VPS13D: variants seen among roughly 807,000 people sequenced by gnomAD.
The protein encoded by VPS13D is intermembrane lipid transfer protein VPS13D.
In VPS13D, 187 loss-of-function variants were observed where a neutral mutation model predicts 461.9. The ratio of observed to expected loss-of-function variants is 0.40; its 90% CI spans 0.36 to 0.46. The LOEUF is 0.46. VPS13D is among the 20% of genes least tolerant of loss of function. The pLI is 0.60. For synonymous variants in VPS13D, 1,951 were observed against 1,986.3 expected, an observed-to-expected ratio of 0.98 and a Z score of 0.47; for missense variants, 4,711 against 5,364.9, an observed-to-expected ratio of 0.88 and a Z score of 3.81.
intron 38 of VPS13D, 34 bp from the exon 39 acceptor site, chr1:12,335,671 A>T: frequency 6.4e-7 from 1 of 1,565,040 alleles, no homozygotes. Flanking sequence ...CATCTTTTTT[A>T]GTTCTCTTAA....
rs756373292 is a variant in VPS13D at position 12,277,426 on chromosome 1, C to G, written c.3838C>G (p.Gln1280Glu). 3 of 1,614,078 alleles carry G rather than the reference C, an allele frequency of 1.9e-6. No individual in the cohort carries two copies. The East Asian group carries it at 6.7e-5, about 36-fold the overall frequency. Reference sequence around the variant, plus strand: ...TTTCACGTTTGTTGAGAGATCTAAACAGGAGTGTTTTCTCAACCTGAAGAT... The same window carrying G: ...TTTCACGTTTGTTGAGAGATCTAAAGAGGAGTGTTTTCTCAACCTGAAGAT... Reference protein sequence around the residue: ...LSFTFVERSKQECFLNLKMAS... With the variant: ...LSFTFVERSKEECFLNLKMAS... The change falls in exon 19 of 70, where the codon CAG becomes GAG. Residue 1280 changes from glutamine to glutamate, a missense_variant. Around this residue, in one of 3 missense-constraint regions of VPS13D, gnomAD observed 4,411 missense variants for 4,937.8 expected, o/e 0.89. Transcript: ENST00000620676.
chr1:12,242,958 C>CTTTTT (rs979589423), intron 3 of VPS13D, among the ~76,000 whole-genome samples: 1 of 143,756 alleles, frequency 7.0e-6, no homozygotes, highest in African/African-American at 2.6e-5. Flanking sequence ...CTTTTCTTTT[C>CTTTTT]TTTTTTTTTT....
intron 63 of VPS13D, among the ~76,000 whole-genome samples, chr1:12,406,172 T>C (rs1644652097): frequency 6.6e-6 from 1 of 152,216 alleles, no homozygotes; most frequent in Non-Finnish European, 1.5e-5. Flanking sequence ...GTGCGGGGAA[T>C]TGGGACTAAA....
At chr1:12,268,597 T>A in intron 15 of VPS13D, 109 bp from the exon 16 acceptor site, 1 of 1,273,522 alleles carries the variant, frequency 7.9e-7, no homozygotes, top group Non-Finnish European at 1.1e-6. Context: ...GTGAACTAAT[T>A]GAAAAATAAT....
chr1:12,383,746 C>G (rs1644314177), intron 58 of VPS13D, among the ~76,000 whole-genome samples: 1 of 152,196 alleles, frequency 6.6e-6, no homozygotes, highest in Non-Finnish European at 1.5e-5. Flanking sequence ...CAGCACAGGT[C>G]TAGGTACGGA....
At chr1:12,483,231 A>G (rs1645748195) in intron 67 of VPS13D, among the ~76,000 whole-genome samples, 1 of 152,236 alleles carries the variant, frequency 6.6e-6, no homozygotes, top group African/African-American at 2.4e-5. Flanking sequence ...TCAGTCAAGA[A>G]TTACATGAAG....
chr1:12,283,326 C>T lies in VPS13D; in HGVS notation c.5224C>T (p.Pro1742Ser). ...APNVFQLYQR[P>S]TSASRKKQKE... ...TAATGTCTTCCAGTTGTATCAAAGG[C>T]CCACCTCTGCGTCCCGGAAAAAGCA... Residue 1742 changes from proline (P) to serine (S), a missense_variant, in exon 21 of 70, where the codon CCC (proline) becomes TCC (serine). This residue lies in a region of VPS13D where 4,411 missense variants were observed against 4,937.8 expected (regional missense o/e 0.89). Coordinates refer to ENST00000620676, the MANE Select transcript of VPS13D (RefSeq NM_015378.4). 6.2e-7 allele frequency: 1 copy of T among 1,614,120 alleles called. No homozygotes were observed. The highest frequency in any genetic ancestry group is 8.5e-7 in the Non-Finnish European group (1 of 1,180,018).
chr1:12,255,959 A>G (rs1482100892), intron 7 of VPS13D, among the ~76,000 whole-genome samples: 1 of 151,898 alleles, frequency 6.6e-6, no homozygotes, highest in Non-Finnish European at 1.5e-5. Context: ...GAGTTTTATA[A>G]CCCAGTTTTA....
rs1395354859 is a variant in VPS13D at position 12,271,252 on chromosome 1, T to C, written c.2103+128T>C. On this transcript the variant is annotated intron_variant, in intron 17 of 69. Coordinates refer to ENST00000620676, the MANE Select transcript of VPS13D (RefSeq NM_015378.4). ...TGCTGACTGAGTAAACTGAAAATAT[T>C]AAATCCTTATCAGCTAGCATAGAAT... 8 of 1,190,338 alleles carry C rather than the reference T, an allele frequency of 6.7e-6. No homozygotes were observed. In the South Asian group the frequency reaches 7.4e-5, roughly 11 times the overall value. The allele number at this position is 1,190,338 out of a possible 1,614,324, so 73.7% of individuals were successfully genotyped here. A position where few individuals can be genotyped will look rare whatever the true frequency, so the allele number is the denominator to read the frequency against.
chr1:12,381,978 CTTT>C (rs1644286024), intron 57 of VPS13D, among the ~76,000 whole-genome samples: 33 of 128,904 alleles, frequency 2.6e-4, no homozygotes, highest in Non-Finnish European at 4.4e-4. Context: ...TTCTTTCTTT[CTTT>C]CTCTCTCTCT....
rs1641124957 is a variant in VPS13D at position 12,262,036 on chromosome 1, C to G, written c.1550C>G (p.Thr517Ser). ...ACTCTGTTACACAAGGAGCAAGGAA[C>G]TCCTCAAATGAATGAAAGTGCTTTC... Reference protein sequence around the residue: ...TVTLLHKEQGTPQMNESAFMQ... With the variant: ...TVTLLHKEQGSPQMNESAFMQ... The change falls in exon 13 of 70, where the codon ACT becomes AGT. Residue 517 changes from threonine to serine, a missense_variant. Coordinates refer to ENST00000620676, the MANE Select transcript of VPS13D (RefSeq NM_015378.4). 4 of 1,613,702 alleles carry G rather than the reference C, an allele frequency of 2.5e-6. No individual in the cohort carries two copies. The highest frequency in any genetic ancestry group is 3.4e-6 in the Non-Finnish European group (4 of 1,179,870).
chr1:12,450,484 G>A (rs1283389146), intron 65 of VPS13D, among the ~76,000 whole-genome samples: 1 of 152,116 alleles, frequency 6.6e-6, no homozygotes, highest in Non-Finnish European at 1.5e-5. Flanking sequence ...TTGACTTGAC[G>A]ATGACGTAAA....
At chr1:12,313,606 C>T (rs894533846) in intron 29 of VPS13D, among the ~76,000 whole-genome samples, 9 of 152,124 alleles carry the variant, frequency 5.9e-5, no homozygotes, top group African/African-American at 2.2e-4. Flanking sequence ...ACGATGGTTC[C>T]AAATGCATTT....
chr1:12,501,052 T>A (rs1646028168), intron 68 of VPS13D, among the ~76,000 whole-genome samples: 1 of 151,938 alleles, frequency 6.6e-6, no homozygotes, highest in African/African-American at 2.4e-5. Context: ...AGACCCTGTC[T>A]CAAAAAGATA....
Position 12,316,574 on chromosome 1 carries a change from G to T in VPS13D, c.7149-1498G>T, listed in dbSNP as rs186597259. Among the ~76,000 whole-genome samples, 694 of 152,238 alleles carry T rather than the reference G, an allele frequency of 4.6e-3. 4 individuals carry two copies. The highest frequency in any genetic ancestry group is 0.016 in the African/African-American group (669 of 41,544). On this transcript the variant is annotated intron_variant, in intron 30 of 69. Transcript: ENST00000620676. ...TTACACAAGAGTAGAGTGTTTCTGTGAAAAATGCTGTGTCTGTAAGAAGGA... is the reference window on the plus strand; with the variant it reads ...TTACACAAGAGTAGAGTGTTTCTGTTAAAAATGCTGTGTCTGTAAGAAGGA...
chr1:12,507,274 G>T lies in VPS13D; in HGVS notation c.13035+181G>T, dbSNP rs761267915. 1.8e-6 allele frequency: 2 copies of T among 1,118,124 alleles called. No homozygotes were observed. Among genetic ancestry groups the T allele is most frequent in the East Asian group, 2.4e-5 (1 of 42,482 alleles). 69.3% of individuals were successfully genotyped at this position (1,118,124 alleles called of 1,614,324 possible). On this transcript the variant is annotated intron_variant, in intron 69 of 69. Coordinates refer to ENST00000620676, the MANE Select transcript of VPS13D (RefSeq NM_015378.4). The surrounding 1 kb of genome is among the most constrained non-coding windows in gnomAD (Gnocchi z 5.3). Reference sequence around the variant, plus strand: ...CAGGGTATGTTCACGGGGCGATGCTGCCCTCCCAGCTGGCCCATGGGTGAC... The same window carrying T: ...CAGGGTATGTTCACGGGGCGATGCTTCCCTCCCAGCTGGCCCATGGGTGAC...
At position 12,510,868 on chromosome 1, in the gene VPS13D, G is replaced by GT. The variant is rs1646173915; in HGVS notation, c.*1847dup. 1.3e-5 allele frequency: 2 copies of GT among 152,528 alleles called. No homozygotes were observed. Among genetic ancestry groups the GT allele is most frequent in the South Asian group, 4.2e-4 (2 of 4,816 alleles). 9.4% of individuals were successfully genotyped at this position (152,528 alleles called of 1,614,324 possible). A position where few individuals can be genotyped will look rare whatever the true frequency, so the allele number is the denominator to read the frequency against. Reference sequence around the variant, plus strand: ...AGCCTCCCTCCTTGCACCCCCACAGGTTTGGCTTGTGGTTTTTGTCATCAG... The same window carrying GT: ...AGCCTCCCTCCTTGCACCCCCACAGGTTTTGGCTTGTGGTTTTTGTCATCAG... On this transcript the variant is annotated 3_prime_UTR_variant, in exon 70 of 70. Transcript: ENST00000620676.
At chr1:12,442,362 CCTT>C (rs984433049) in intron 65 of VPS13D, among the ~76,000 whole-genome samples, 2 of 152,096 alleles carry the variant, frequency 1.3e-5, no homozygotes, top group African/African-American at 2.4e-5. Context: ...GTACTAATCA[CCTT>C]CTAAGTGCTC....
At position 12,308,462 on chromosome 1, in the gene VPS13D, C is replaced by T. The variant is rs141926285; in HGVS notation, c.6471C>T (p.Val2157=). The change falls in exon 27 of 70, where the codon GTC becomes GTT. Residue 2157 remains valine, a synonymous_variant. Coordinates refer to ENST00000620676, the MANE Select transcript of VPS13D (RefSeq NM_015378.4). Reference sequence around the variant, plus strand: ...ATGTCTGCCTGCTGGATTGCGTTGTCGTGGATCTCCAGGACATGGACATCT... The same window carrying T: ...ATGTCTGCCTGCTGGATTGCGTTGTTGTGGATCTCCAGGACATGGACATCT... The part of the protein sequence containing the change: ...EDHVCLLDCV[V]VDLQDMDIFA... 1.3e-5 allele frequency: 21 copies of T among 1,613,896 alleles called. No homozygotes were observed. Among genetic ancestry groups the T allele is most frequent in the African/African-American group, 2.7e-5 (2 of 74,834 alleles).
Sources: allele counts gnomAD v4.1 joint callset (sites outside exome capture counted in the v4.1 genomes callset), GRCh38; gene constraint gnomAD v4.1.1; regional missense constraint gnomAD v4.1.1; non-coding constraint Gnocchi (gnomAD v3.1); transcripts MANE v1.5; gene names NCBI Gene and HGNC (gene_info 2026-07-23, HGNC 2026-07-21).